CRTAC1: variants seen among roughly 807,000 people sequenced by gnomAD.
CRTAC1 encodes cartilage acidic protein 1.
A neutral mutation model predicts 67.8 loss-of-function variants in CRTAC1; 37 were observed. That is an observed-to-expected ratio of 0.55 (90% CI 0.42 to 0.72). The LOEUF is 0.72. Among genes scored for constraint, CRTAC1 ranks in the 30% least tolerant of loss-of-function variants. CRTAC1 has a pLI of 0.00. For missense variants in CRTAC1, 780 were observed against 931.6 expected (o/e 0.84, Z 2.12); for synonymous variants, 348 against 371.0 (o/e 0.94, Z 0.71).
intron 7 of CRTAC1, among the ~76,000 whole-genome samples, chr10:97,903,828 C>T (rs2050573296): frequency 6.6e-6 from 1 of 152,048 alleles, no homozygotes. Context: ...TTCTTGGCAT[C>T]GGTCTATCAA....
intron 1 of CRTAC1, among the ~76,000 whole-genome samples, chr10:98,027,383 G>A (rs1843259668): frequency 6.6e-6 from 1 of 152,142 alleles, no homozygotes; most frequent in Non-Finnish European, 1.5e-5. Context: ...GAGCAGCAAG[G>A]GTGGGGGAAA....
chr10:97,972,417 C>T (rs533501375), intron 2 of CRTAC1, among the ~76,000 whole-genome samples: 45 of 152,258 alleles, frequency 3.0e-4, no homozygotes, highest in Non-Finnish European at 3.5e-4. Flanking sequence ...GCAGGGAGCC[C>T]GGTCTGCCAG....
At chr10:97,874,013 C>T (rs2050119813) in intron 14 of CRTAC1, among the ~76,000 whole-genome samples, 1 of 152,184 alleles carries the variant, frequency 6.6e-6, no homozygotes, top group African/African-American at 2.4e-5. Context: ...ATAAGCCCTG[C>T]CTCTCTTATT....
chr10:97,903,223 G>A (rs926684447), intron 7 of CRTAC1, among the ~76,000 whole-genome samples: 2 of 146,824 alleles, frequency 1.4e-5, no homozygotes, highest in Admixed American at 6.9e-5. Flanking sequence ...TTGTTGTGGG[G>A]CTGCTTTGTG....
In CRTAC1 at chr10:97,880,302, T is replaced by A. The variant is rs1171983196; in HGVS notation, c.1766A>T (p.Asn589Ile). ...CTCGTAGCCCCGACTGCACTTCTTG[T>A]TGGTCCGGCACCTGTAGCTTCCATA... is the stretch of plus-strand genomic sequence containing the variant. ...NTYGSYRCRT[N>I]KKCSRGYEPN... The change falls in exon 14 of 15, where the codon AAC (asparagine) becomes ATC (isoleucine). Residue 589 changes from asparagine to isoleucine, a missense_variant. Coordinates refer to ENST00000370597, the MANE Select transcript of CRTAC1 (RefSeq NM_018058.7). The A allele has an allele frequency of 6.2e-7, 1 of 1,614,212 alleles. No individual in the cohort carries two copies. The highest frequency in any genetic ancestry group is 1.1e-5 in the South Asian group (1 of 91,086).
chr10:97,908,055 T>C lies in CRTAC1; in HGVS notation c.808A>G (p.Asn270Asp). 1 of 1,614,118 alleles carries C rather than the reference T, an allele frequency of 6.2e-7. No individual in the cohort carries two copies. Among genetic ancestry groups the C allele is most frequent in the Non-Finnish European group, 8.5e-7 (1 of 1,180,000 alleles). ...NENGPNFLFH[N>D]RGDGTFVDAA... is the part of the protein sequence containing the mutation. ...TCCACAAAGGTGCCATCGCCCCGGT[T>C]GTGGAAAAGGAAGTTAGGCCCATTC... The change falls in exon 6 of 15, where the codon AAC becomes GAC. Residue 270 changes from asparagine to aspartate, a missense_variant. By Grantham distance (23) the Asn-to-Asp change is conservative. Transcript: ENST00000370597.
At chr10:97,907,395 C>T (rs1217869533) in intron 6 of CRTAC1, among the ~76,000 whole-genome samples, 1 of 139,270 alleles carries the variant, frequency 7.2e-6, no homozygotes, top group South Asian at 2.2e-4. Flanking sequence ...ATGGCAAGTG[C>T]AAAGGCCCTG....
chr10:97,879,806 A>G (rs1205686176), intron 14 of CRTAC1: 31 of 1,548,092 alleles, frequency 2.0e-5, no homozygotes, highest in Non-Finnish European at 2.7e-5. Context: ...CTTGAGCTGC[A>G]AAAACGATGC....
intron 2 of CRTAC1, among the ~76,000 whole-genome samples, chr10:97,942,357 G>A (rs1407323874): frequency 1.3e-5 from 2 of 152,088 alleles, no homozygotes; most frequent in East Asian, 1.9e-4. Flanking sequence ...AGGTTGACTG[G>A]GCCACCAATC....
At chr10:97,965,876 A>G (rs1287923114) in intron 2 of CRTAC1, among the ~76,000 whole-genome samples, 1 of 152,210 alleles carries the variant, frequency 6.6e-6, no homozygotes, top group Non-Finnish European at 1.5e-5. Flanking sequence ...CAGTGAGAGA[A>G]GCTGAAAGCA....
chr10:97,873,076 C>T (rs1348658534), intron 14 of CRTAC1, among the ~76,000 whole-genome samples: 1 of 152,204 alleles, frequency 6.6e-6, no homozygotes, highest in Admixed American at 6.5e-5. Context: ...GGAAGCCTCA[C>T]AACAACTCTA....
intron 2 of CRTAC1, among the ~76,000 whole-genome samples, chr10:98,010,229 G>A (rs1421268870): frequency 6.6e-6 from 1 of 151,932 alleles, no homozygotes; most frequent in Non-Finnish European, 1.5e-5. Flanking sequence ...TAGTAGAGAC[G>A]GGGTTTCACC....
chr10:98,009,129 C>T (rs929547158), intron 2 of CRTAC1, among the ~76,000 whole-genome samples: 1 of 152,228 alleles, frequency 6.6e-6, no homozygotes, highest in African/African-American at 2.4e-5. Flanking sequence ...GATTCCATTT[C>T]TCCTTTTCTG....
In CRTAC1 at chr10:98,029,708, C is replaced by A. The variant is rs959224707; in HGVS notation, c.24+741G>T. Among the ~76,000 whole-genome samples the A allele has an allele frequency of 6.6e-6, 1 of 152,226 alleles. No homozygotes were observed. Among genetic ancestry groups the A allele is most frequent in the African/African-American group, 2.4e-5 (1 of 41,462 alleles). On this transcript the variant is annotated intron_variant, in intron 1 of 14. Coordinates refer to ENST00000370597, the MANE Select transcript of CRTAC1 (RefSeq NM_018058.7). This position sits in a 1 kb window ranked among gnomAD's most constrained non-coding sequence, Gnocchi z 4.7. ...TCCCAACTACTGTACTGCAAAGAAGCGCGCTGCATTGCTGGGCATGCCCCC... is the reference window on the plus strand; with the variant it reads ...TCCCAACTACTGTACTGCAAAGAAGAGCGCTGCATTGCTGGGCATGCCCCC...
chr10:97,954,560 T>C (rs1469269576), intron 2 of CRTAC1, among the ~76,000 whole-genome samples: 1 of 152,186 alleles, frequency 6.6e-6, no homozygotes, highest in Non-Finnish European at 1.5e-5. Flanking sequence ...GAGGACACCA[T>C]GAATGCATTC....
chr10:97,934,585 G>C (rs937921412), intron 3 of CRTAC1, among the ~76,000 whole-genome samples: 3 of 152,202 alleles, frequency 2.0e-5, no homozygotes, highest in Non-Finnish European at 4.4e-5. Context: ...TCAACAACCA[G>C]TAATGGTAAT....
intron 2 of CRTAC1, among the ~76,000 whole-genome samples, chr10:97,996,069 T>C (rs987839293): frequency 2.6e-5 from 4 of 151,876 alleles, no homozygotes; most frequent in Non-Finnish European, 4.4e-5. Flanking sequence ...TTACACCTTA[T>C]ACAAAAATTA....
chr10:97,931,935 C>T (rs542404557), intron 3 of CRTAC1, among the ~76,000 whole-genome samples: 51 of 152,294 alleles, frequency 3.3e-4, no homozygotes, highest in Non-Finnish European at 5.9e-4. Flanking sequence ...GCGTCCTGCA[C>T]ACTCTCCTAC....
At chr10:97,932,053 G>A (rs1040096418) in intron 3 of CRTAC1, among the ~76,000 whole-genome samples, 7 of 152,174 alleles carry the variant, frequency 4.6e-5, no homozygotes, top group African/African-American at 1.7e-4. Flanking sequence ...CTGGGATGGT[G>A]GTCAGTCTTC....
Sources: allele counts gnomAD v4.1 joint callset (sites outside exome capture counted in the v4.1 genomes callset), GRCh38; gene constraint gnomAD v4.1.1; non-coding constraint Gnocchi (gnomAD v3.1); transcripts MANE v1.5; gene names NCBI Gene and HGNC (gene_info 2026-07-23, HGNC 2026-07-21).